SH3BP5: variants seen among roughly 807,000 people sequenced by gnomAD.
SH3BP5 encodes SH3 domain-binding protein 5.
A neutral mutation model predicts 43.3 loss-of-function variants in SH3BP5; 22 were observed. The ratio of observed to expected loss-of-function variants is 0.51; its 90% CI spans 0.36 to 0.73. SH3BP5 has a LOEUF of 0.73. Among genes scored for constraint, SH3BP5 ranks in the 30% least tolerant of loss-of-function variants. The pLI, the probability that SH3BP5 is intolerant of heterozygous loss-of-function variation, is 0.00. For synonymous variants in SH3BP5, 255 were observed against 225.8 expected (o/e 1.13, Z -1.16); for missense variants, 529 against 586.9 (o/e 0.90, Z 1.02).
intron 2 of SH3BP5, among the ~76,000 whole-genome samples, chr3:15,326,336 C>T (rs2125141602): frequency 2.0e-5 from 3 of 152,310 alleles, no homozygotes; most frequent in Middle Eastern, 6.8e-3. Context: ...ATGTGGGCCT[C>T]AGGAGCAACA....
intron 7 of SH3BP5, chr3:15,257,445 C>A (rs1306003047): frequency 1.2e-5 from 3 of 245,890 alleles, no homozygotes; most frequent in South Asian, 1.4e-4. Flanking sequence ...CTCAGTCCCC[C>A]AAATACATCC....
chr3:15,270,078 G>A (rs367592064), intron 3 of SH3BP5, among the ~76,000 whole-genome samples: 8 of 152,326 alleles, frequency 5.3e-5, no homozygotes, highest in African/African-American at 1.7e-4. Flanking sequence ...ATCAGTGAGC[G>A]AACAATTTCC....
Position 15,273,111 on chromosome 3 carries a change from C to T in SH3BP5, c.331-3234G>A, listed in dbSNP as rs189691486. 193 of 984,230 alleles carry T rather than the reference C, an allele frequency of 2.0e-4. 1 individual carries two copies. In the African/African-American group the frequency reaches 3.1e-3, roughly 16 times the overall value. The allele number at this position is 984,230 out of a possible 1,614,324, so 61.0% of individuals were successfully genotyped here. A position where few individuals can be genotyped will look rare whatever the true frequency, so the allele number is the denominator to read the frequency against. ...CACCCCCTACCCATAGGTGGCCTCTCCTACCTATATGCTTCACACCAACTC... is the reference window on the plus strand; with the variant it reads ...CACCCCCTACCCATAGGTGGCCTCTTCTACCTATATGCTTCACACCAACTC... On this transcript the variant is annotated intron_variant, in intron 3 of 8. Transcript: ENST00000383791.
At chr3:15,257,777 C>A (rs115265578) in intron 7 of SH3BP5, among the ~76,000 whole-genome samples, 25 of 152,342 alleles carry the variant, frequency 1.6e-4, no homozygotes, top group African/African-American at 5.3e-4. Flanking sequence ...TGGCCTTTAG[C>A]GGTTTTCCCT....
At chr3:15,259,302 C>T in intron 6 of SH3BP5, 3 of 571,692 alleles carry the variant, frequency 5.2e-6, no homozygotes, top group East Asian at 3.0e-5. Flanking sequence ...CAAACCCCAT[C>T]AGGGAAGCAA....
At chr3:15,287,156 A>C (rs1215535213) in intron 3 of SH3BP5, among the ~76,000 whole-genome samples, 4 of 152,236 alleles carry the variant, frequency 2.6e-5, no homozygotes, top group African/African-American at 9.6e-5. Context: ...ATACATATAA[A>C]GTGCAGAGAA....
chr3:15,265,512 T>TCTCTCACACACACACACACA, intron 4 of SH3BP5, among the ~76,000 whole-genome samples: 1 of 107,988 alleles, frequency 9.3e-6, no homozygotes, highest in African/African-American at 4.1e-5. Context: ...CGAGACTCCG[T>TCTCTCACACACACACACACA]CACACACACA....
intron 3 of SH3BP5, among the ~76,000 whole-genome samples, chr3:15,294,660 GC>G: frequency 6.6e-6 from 1 of 152,064 alleles, no homozygotes; most frequent in East Asian, 1.9e-4. Flanking sequence ...AACAATGACA[GC>G]CCCCGCACAG....
intron 7 of SH3BP5, 94 bp from the exon 8 acceptor site, chr3:15,257,207 G>T (rs1031693171): frequency 1.5e-6 from 2 of 1,317,454 alleles, no homozygotes; most frequent in African/African-American, 2.9e-5. Context: ...CACAGCATGG[G>T]GGACTAAAGA....
At chr3:15,303,993 A>G (rs904066867) in intron 3 of SH3BP5, 110 bp downstream of exon 3, 10 of 849,708 alleles carry the variant, frequency 1.2e-5, no homozygotes, top group African/African-American at 5.0e-5. Flanking sequence ...CATTTAAGAC[A>G]TATTGGACTC....
At chr3:15,334,970 A>T (rs1348912812), upstream of SH3BP5, among the ~76,000 whole-genome samples, 1 of 150,250 alleles carries the variant, frequency 6.7e-6, no homozygotes, top group Non-Finnish European at 1.5e-5. Context: ...TATATATATA[A>T]ATAATAAAGT....
chr3:15,270,006 C>A, intron 3 of SH3BP5, 129 bp from the exon 4 acceptor site: 3 of 746,374 alleles, frequency 4.0e-6, no homozygotes, highest in Non-Finnish European at 6.3e-6. Context: ...ACTCCTGGCA[C>A]CCACAGGTCC....
chr3:15,335,296 T>G (rs949469966), upstream of SH3BP5, among the ~76,000 whole-genome samples: 1 of 152,062 alleles, frequency 6.6e-6, no homozygotes, highest in Non-Finnish European at 1.5e-5. Context: ...AAGAATCGCT[T>G]GAACCCAGGA....
At chr3:15,299,724 A>G (rs535496697) in intron 3 of SH3BP5, among the ~76,000 whole-genome samples, 10 of 152,064 alleles carry the variant, frequency 6.6e-5, no homozygotes, top group Admixed American at 5.9e-4. Flanking sequence ...TGAAATTACA[A>G]ATCTTTGTAA....
chr3:15,293,192 G>C (rs1277799320), intron 3 of SH3BP5, among the ~76,000 whole-genome samples: 1 of 152,242 alleles, frequency 6.6e-6, no homozygotes, highest in African/African-American at 2.4e-5. Flanking sequence ...CTTTGAGACA[G>C]ATGCCCTGTC....
At chr3:15,334,419 T>TA (rs1308769754), upstream of SH3BP5, among the ~76,000 whole-genome samples, 1 of 151,902 alleles carries the variant, frequency 6.6e-6, no homozygotes, top group Non-Finnish European at 1.5e-5. Flanking sequence ...ACACAACAAT[T>TA]AAAAAAATGC....
intron 2 of SH3BP5, among the ~76,000 whole-genome samples, chr3:15,328,788 A>G (rs1004480930): frequency 6.6e-6 from 1 of 152,146 alleles, no homozygotes; most frequent in African/African-American, 2.4e-5. Context: ...CTGAGGCGTC[A>G]TAGTACCAGA....
intron 6 of SH3BP5, chr3:15,259,456 G>C (rs865915281): frequency 1.9e-6 from 1 of 535,708 alleles, no homozygotes; most frequent in African/African-American, 1.9e-5. Flanking sequence ...TTCTAATTCA[G>C]TCGGTCTAGA....
chr3:15,332,569 G>C lies in SH3BP5; in HGVS notation c.-161C>G, dbSNP rs909660509. Reference sequence around the variant, plus strand: ...GCAGCTCGCCGATGCGGATACCTCCGGCCGCGGCGGAGCAGAGGAAATGGG... The same window carrying C: ...GCAGCTCGCCGATGCGGATACCTCCCGCCGCGGCGGAGCAGAGGAAATGGG... On this transcript the variant is annotated 5_prime_UTR_variant, in exon 1 of 9. Transcript: ENST00000383791. The C allele has an allele frequency of 4.1e-6, 5 of 1,227,008 alleles. No homozygotes were observed. Among genetic ancestry groups the C allele is most frequent in the Admixed American group, 4.4e-5 (1 of 22,654 alleles). The allele number at this position is 1,227,008 out of a possible 1,614,324, so 76.0% of individuals were successfully genotyped here.
Sources: gnomAD v4.1 joint callset for allele counts (sites outside exome capture counted in the v4.1 genomes callset) on GRCh38, gnomAD v4.1.1 for gene constraint, MANE v1.5 for transcripts, NCBI Gene and HGNC (gene_info 2026-07-23, HGNC 2026-07-21) for gene names.